RIPOR2: variants seen among roughly 807,000 people sequenced by gnomAD.
The protein encoded by RIPOR2 is rho family-interacting cell polarization regulator 2.
A neutral mutation model predicts 114.5 loss-of-function variants in RIPOR2; 39 were observed. The observed-to-expected ratio is 0.34, with a 90% CI of 0.26 to 0.44. The LOEUF (loss-of-function observed/expected upper bound fraction) is 0.44. Ranked by LOEUF, RIPOR2 falls within the 20% of genes least tolerant of loss-of-function variation. RIPOR2 has a pLI of 1.00. For synonymous variants in RIPOR2, 445 were observed against 484.4 expected (o/e 0.92, Z 1.07); for missense variants, 1,007 against 1,255.1 (o/e 0.80, Z 2.99).
intron 1 of RIPOR2, among the ~76,000 whole-genome samples, chr6:25,026,315 T>C (rs1776621618): frequency 6.6e-6 from 1 of 152,228 alleles, no homozygotes; most frequent in South Asian, 2.1e-4. Flanking sequence ...TTGTCACGTG[T>C]ATAAATGAGA....
chr6:24,868,841 C>A (rs1764881161), intron 6 of RIPOR2, among the ~76,000 whole-genome samples: 1 of 152,240 alleles, frequency 6.6e-6, no homozygotes, highest in African/African-American at 2.4e-5. Flanking sequence ...CTGGAAGTAA[C>A]TGTGCCTGTT....
In RIPOR2 at chr6:24,843,127, T is replaced by C. The variant is rs776599963; in HGVS notation, c.1592A>G (p.Lys531Arg). The C allele has an allele frequency of 6.2e-7, 1 of 1,613,890 alleles. No homozygotes were observed. The highest frequency in any genetic ancestry group is 8.5e-7 in the Non-Finnish European group (1 of 1,179,888). Residue 531 changes from lysine to arginine, a missense_variant, in exon 13 of 22, where the codon AAG becomes AGG. By Grantham distance (26) the Lys-to-Arg change is conservative. Transcript: ENST00000643898. ...LQESEEASEL[K>R]PVELDTSEGN... is the part of the protein sequence containing the mutation. ...TTCCGAAGTGTCCAGTTCCACAGGC[T>C]TGAGCTCAGAGGCCTCCTCAGACTC...
chr6:24,940,684 C>T (rs559243806), upstream of RIPOR2, among the ~76,000 whole-genome samples: 2 of 151,884 alleles, frequency 1.3e-5, no homozygotes, highest in South Asian at 2.1e-4. Flanking sequence ...CTGTCTCTGT[C>T]GCTCAGGCTG....
At chr6:24,938,348 C>T (rs969579220), upstream of RIPOR2, among the ~76,000 whole-genome samples, 1 of 152,186 alleles carries the variant, frequency 6.6e-6, no homozygotes, top group Non-Finnish European at 1.5e-5. Flanking sequence ...TCCCTCACAT[C>T]CCTCAGAAGA....
In RIPOR2 at chr6:24,872,870, A is replaced by G. The variant is rs1424818757; in HGVS notation, c.423+11T>C. 1.9e-6 allele frequency: 3 copies of G among 1,571,724 alleles called. No homozygotes were observed. Among genetic ancestry groups the G allele is most frequent in the African/African-American group, 2.7e-5 (2 of 74,202 alleles). On this transcript the variant is annotated intron_variant, in intron 4 of 21. Coordinates refer to ENST00000643898, the MANE Select transcript of RIPOR2 (RefSeq NM_001286445.3). ...ACAGTGTTAACATCATAATGACTGCATAGTACCTACCAGGCGAGAGTTTCT... is the reference window on the plus strand; with the variant it reads ...ACAGTGTTAACATCATAATGACTGCGTAGTACCTACCAGGCGAGAGTTTCT...
At chr6:24,828,712 A>G (rs1760408860) in intron 17 of RIPOR2, among the ~76,000 whole-genome samples, 1 of 151,812 alleles carries the variant, frequency 6.6e-6, no homozygotes, top group South Asian at 2.1e-4. Context: ...ATAATGAATA[A>G]ATATTATATA....
intron 1 of RIPOR2, among the ~76,000 whole-genome samples, chr6:24,921,813 A>ATTCT (rs778436833): frequency 8.6e-5 from 13 of 151,052 alleles, no homozygotes; most frequent in East Asian, 3.9e-4. Context: ...TTCAATTGAT[A>ATTCT]TTCTTTCTTT....
rs1472917782 is a variant in RIPOR2 at position 24,806,025 on chromosome 6, C to A, written c.*348G>T. Reference sequence around the variant, plus strand: ...AGTGCAGTGGGGCAATTATGGCTCACTGCAGCCTGAATCTTCTGGGCTCAA... The same window carrying A: ...AGTGCAGTGGGGCAATTATGGCTCAATGCAGCCTGAATCTTCTGGGCTCAA... On this transcript the variant is annotated 3_prime_UTR_variant, in exon 22 of 22. Transcript: ENST00000643898. 1 of 215,666 alleles carries A rather than the reference C, an allele frequency of 4.6e-6. No homozygotes were observed. Among genetic ancestry groups the A allele is most frequent in the Admixed American group, 6.1e-5 (1 of 16,402 alleles). 13.4% of individuals were successfully genotyped at this position (215,666 alleles called of 1,614,324 possible).
intron 1 of RIPOR2, among the ~76,000 whole-genome samples, chr6:24,969,679 G>T (rs1169289328): frequency 1.3e-5 from 2 of 151,996 alleles, no homozygotes; most frequent in Non-Finnish European, 2.9e-5. Context: ...TTTTTGATTG[G>T]CCCTGCTCCC....
At chr6:24,839,602 G>T (rs1761442504) in intron 13 of RIPOR2, 1 of 1,537,732 alleles carries the variant, frequency 6.5e-7, no homozygotes, top group Non-Finnish European at 8.8e-7. Flanking sequence ...CTCTACTTCT[G>T]TTTGAAATTT....
intron 14 of RIPOR2, chr6:24,836,151 G>A (rs1296587400): frequency 2.6e-6 from 1 of 387,340 alleles, no homozygotes; most frequent in African/African-American, 2.0e-5. Context: ...AGAAGTCTTT[G>A]AAACATGCCC....
chr6:25,014,391 C>T (rs1468471454), intron 1 of RIPOR2, among the ~76,000 whole-genome samples: 1 of 152,126 alleles, frequency 6.6e-6, no homozygotes. Flanking sequence ...TTGAGAGACA[C>T]AAAGATTTCT....
chr6:24,978,159 G>A (rs963966879), intron 1 of RIPOR2, among the ~76,000 whole-genome samples: 3 of 152,158 alleles, frequency 2.0e-5, no homozygotes, highest in Non-Finnish European at 4.4e-5. Context: ...TCTAGTGTGA[G>A]TGAGTCTTTT....
intron 9 of RIPOR2, 135 bp from the exon 10 acceptor site, chr6:24,850,857 C>T: frequency 9.9e-7 from 1 of 1,010,080 alleles, no homozygotes; most frequent in South Asian, 1.4e-5. Context: ...CACCCCCTTA[C>T]TCTTGGGTGT....
At chr6:24,981,046 A>T (rs777853153) in intron 1 of RIPOR2, among the ~76,000 whole-genome samples, 3 of 152,160 alleles carry the variant, frequency 2.0e-5, no homozygotes, top group African/African-American at 4.8e-5. Flanking sequence ...AAATAGTTGA[A>T]ATTCTTTTCT....
intron 1 of RIPOR2, among the ~76,000 whole-genome samples, chr6:25,000,801 TG>T (rs1440418781): frequency 6.6e-6 from 1 of 152,230 alleles, no homozygotes; most frequent in Non-Finnish European, 1.5e-5. Flanking sequence ...CCCAGCATGC[TG>T]GACCAGCAGC....
intron 1 of RIPOR2, among the ~76,000 whole-genome samples, chr6:24,972,130 C>T (rs768412708): frequency 3.9e-5 from 6 of 151,962 alleles, no homozygotes; most frequent in Non-Finnish European, 8.8e-5. Flanking sequence ...CTTGATCGAA[C>T]CAAATTCAGC....
chr6:25,025,257 A>C (rs546251643), intron 1 of RIPOR2, among the ~76,000 whole-genome samples: 4 of 152,310 alleles, frequency 2.6e-5, no homozygotes, highest in African/African-American at 9.6e-5. Flanking sequence ...GGGGGGAAAA[A>C]GGTAATTTAG....
intron 1 of RIPOR2, among the ~76,000 whole-genome samples, chr6:24,879,951 C>T (rs1241356266): frequency 6.6e-6 from 1 of 152,190 alleles, no homozygotes; most frequent in Non-Finnish European, 1.5e-5. Flanking sequence ...CCAGAGTAAT[C>T]TGCATTTTAA....
Sources: allele counts gnomAD v4.1 joint callset (sites outside exome capture counted in the v4.1 genomes callset), GRCh38; gene constraint gnomAD v4.1.1; transcripts MANE v1.5; gene names NCBI Gene and HGNC (gene_info 2026-07-23, HGNC 2026-07-21).